The following MPDZ variants were observed in gnomAD, a reference collection of about 807,000 sequenced individuals.
MPDZ encodes the protein multiple PDZ domain crumbs cell polarity complex component.
MPDZ carries 234 observed loss-of-function variants against 239.1 expected under a neutral mutation model. The ratio of observed to expected loss-of-function variants is 0.98; its 90% CI spans 0.88 to 1.09. The LOEUF (loss-of-function observed/expected upper bound fraction) is 1.09. Ranked by LOEUF, MPDZ falls within the 50% of genes least tolerant of loss-of-function variation. MPDZ has a pLI of 0.00. For missense variants in MPDZ, 3,175 were observed against 2,510.0 expected (o/e 1.26, Z -5.66); for synonymous variants, 1,048 against 881.3 (o/e 1.19, Z -3.35).
chr9:13,152,453 T>C (rs1338336033), intron 24 of MPDZ, among the ~76,000 whole-genome samples: 4 of 152,110 alleles, frequency 2.6e-5, no homozygotes, highest in African/African-American at 4.8e-5. Flanking sequence ...TGAGATCTGA[T>C]AGTTTTATAA....
chr9:13,225,430 A>G (rs1265818992), intron 3 of MPDZ, among the ~76,000 whole-genome samples: 1 of 151,904 alleles, frequency 6.6e-6, no homozygotes, highest in Non-Finnish European at 1.5e-5. Flanking sequence ...AGTAGCATAC[A>G]GTATATTGAC....
chr9:13,197,712 T>C (rs1054954193), intron 12 of MPDZ, among the ~76,000 whole-genome samples: 5 of 152,078 alleles, frequency 3.3e-5, no homozygotes, highest in Non-Finnish European at 7.4e-5. Context: ...TTCTAGTTAA[T>C]TGTATTTTTG....
intron 3 of MPDZ, among the ~76,000 whole-genome samples, chr9:13,242,534 A>G (rs182921392): frequency 6.6e-6 from 1 of 151,534 alleles, no homozygotes; most frequent in African/African-American, 2.4e-5. Flanking sequence ...AAATGTGAAG[A>G]AATAAAAAAC....
chr9:13,189,781 C>T (rs1236723159), intron 16 of MPDZ, among the ~76,000 whole-genome samples: 1 of 152,124 alleles, frequency 6.6e-6, no homozygotes, highest in African/African-American at 2.4e-5. Context: ...AAAGAAATAC[C>T]TACTTCTTTA....
chr9:13,248,396 C>T (rs1242545968), intron 2 of MPDZ, among the ~76,000 whole-genome samples: 1 of 152,044 alleles, frequency 6.6e-6, no homozygotes, highest in African/African-American at 2.4e-5. Flanking sequence ...AATTATTGAA[C>T]ACTGTACAAA....
At chr9:13,196,726 C>A (rs4740549) in intron 12 of MPDZ, among the ~76,000 whole-genome samples, 1 of 151,998 alleles carries the variant, frequency 6.6e-6, no homozygotes, top group Non-Finnish European at 1.5e-5. Flanking sequence ...ACTAAGGCTA[C>A]ACATTAAAAT....
chr9:13,226,199 A>C (rs1289361509), intron 3 of MPDZ, among the ~76,000 whole-genome samples: 1 of 152,084 alleles, frequency 6.6e-6, no homozygotes, highest in East Asian at 1.9e-4. Flanking sequence ...GGCTAACTCC[A>C]AGTACAATGA....
At chr9:13,156,096 T>G (rs6474753) in intron 24 of MPDZ, among the ~76,000 whole-genome samples, 1 of 151,994 alleles carries the variant, frequency 6.6e-6, no homozygotes, top group Non-Finnish European at 1.5e-5. Context: ...TTTATCAATA[T>G]AGACAAAGCC....
At chr9:13,175,729 T>C (rs1383735537) in intron 21 of MPDZ, 23 bp downstream of exon 21, 9 of 1,560,528 alleles carry the variant, frequency 5.8e-6, no homozygotes, top group Middle Eastern at 1.7e-4. Flanking sequence ...GGAGTAGGTA[T>C]ATGAGGAAAA....
rs772632737 is a variant in MPDZ at position 13,109,913 on chromosome 9, A to T, written c.5942+39T>A. ...AACTGTCAGGAAGACTTGATTCATA[A>T]GTGAAAAATGATACACTAATCATCA... On this transcript the variant is annotated intron_variant, in intron 45 of 46. Transcript: ENST00000319217. 7 of 1,511,272 alleles carry T rather than the reference A, an allele frequency of 4.6e-6. No homozygotes were observed. In the South Asian group the frequency reaches 8.1e-5, roughly 17 times the overall value. 93.6% of individuals were successfully genotyped at this position (1,511,272 alleles called of 1,614,324 possible). A position where few individuals can be genotyped will look rare whatever the true frequency, so the allele number is the denominator to read the frequency against.
At chr9:13,141,334 G>A (rs1947641477) in intron 27 of MPDZ, among the ~76,000 whole-genome samples, 2 of 152,042 alleles carry the variant, frequency 1.3e-5, no homozygotes, top group African/African-American at 4.8e-5. Context: ...GAATCAAACA[G>A]TGGTACTAGA....
At position 13,136,150 on chromosome 9, in the gene MPDZ, C is replaced by A; in HGVS notation, c.4325G>T (p.Cys1442Phe). ...NKDAVNQMAV[C>F]PGNAVEPLPS... ...CAAAGGTTCTACTGCATTTCCAGGA[C>A]ATACGGCCATCTGATTCACTGCATC... is the stretch of plus-strand genomic sequence containing the variant. The change falls in exon 31 of 47, where the codon TGT (cysteine) becomes TTT (phenylalanine). Residue 1442 changes from cysteine to phenylalanine, a missense_variant. Cys to Phe is a radical substitution (Grantham distance 205). Transcript: ENST00000319217. 4 of 1,612,918 alleles carry A rather than the reference C, an allele frequency of 2.5e-6. No individual in the cohort carries two copies. Among genetic ancestry groups the A allele is most frequent in the Non-Finnish European group, 3.4e-6 (4 of 1,179,392 alleles).
In MPDZ at chr9:13,118,075, G is replaced by A. The variant is rs185188526; in HGVS notation, c.5379+1427C>T. Among the ~76,000 whole-genome samples, 1,016 of 151,874 alleles carry A rather than the reference G, an allele frequency of 6.7e-3. 10 individuals carry two copies. Among genetic ancestry groups the A allele is most frequent in the African/African-American group, 0.022 (926 of 41,424 alleles). The stretch of plus-strand genomic sequence containing the variant: ...GTCAAGCTGGTCTCGAACTCCCGAC[G>A]TCAGGTGATCCACCCGCCTCAGCCT... On this transcript the variant is annotated intron_variant, in intron 39 of 46. Transcript: ENST00000319217.
intron 23 of MPDZ, among the ~76,000 whole-genome samples, chr9:13,160,575 T>C (rs941382167): frequency 2.0e-5 from 3 of 151,808 alleles, no homozygotes; most frequent in Admixed American, 6.6e-5. Context: ...ATTGAAATAA[T>C]TGATTTTACC....
At chr9:13,175,933 C>T (rs574751678) in intron 20 of MPDZ, 58 bp from the exon 21 acceptor site, 144 of 1,531,810 alleles carry the variant, frequency 9.4e-5, no homozygotes, top group South Asian at 1.9e-4. Flanking sequence ...GACTTTGGAG[C>T]GTGATTTCAA....
chr9:13,206,833 C>A (rs942644999), intron 10 of MPDZ, among the ~76,000 whole-genome samples: 18 of 152,204 alleles, frequency 1.2e-4, no homozygotes, highest in Middle Eastern at 3.4e-3. Context: ...TGAGCCACTG[C>A]ACCCGGCCTA....
intron 1 of MPDZ, among the ~76,000 whole-genome samples, chr9:13,255,103 C>T (rs944234125): frequency 8.5e-5 from 13 of 152,178 alleles, no homozygotes; most frequent in Non-Finnish European, 1.5e-4. Context: ...TTCATTTCAA[C>T]GATGTTCACA....
intron 24 of MPDZ, among the ~76,000 whole-genome samples, chr9:13,155,513 C>G (rs933213306): frequency 6.6e-6 from 1 of 151,948 alleles, no homozygotes; most frequent in African/African-American, 2.4e-5. Flanking sequence ...CTTTAAGTAT[C>G]AAGCTTGATA....
rs772660675 is a variant in MPDZ, at chr9:13,206,077, C to A, written c.1313G>T (p.Gly438Val). ...IIAVDGTNLQ[G>V]FTNQQAVEVL... is the part of the protein sequence containing the mutation. ...CTCTACTGCTTGCTGATTAGTAAAACCCTGAAGGTTTGTGCCATCTACCTG... is the reference window on the plus strand; with the variant it reads ...CTCTACTGCTTGCTGATTAGTAAAAACCTGAAGGTTTGTGCCATCTACCTG... Residue 438 changes from glycine (G) to valine (V), a missense_variant, in exon 11 of 47, where the codon GGT (glycine) becomes GTT (valine). Coordinates refer to ENST00000319217, the MANE Select transcript of MPDZ (RefSeq NM_001378778.1). 6.2e-7 allele frequency: 1 copy of A among 1,607,632 alleles called. No individual in the cohort carries two copies. Among genetic ancestry groups the A allele is most frequent in the South Asian group, 1.1e-5 (1 of 90,126 alleles).
Sources: allele counts gnomAD v4.1 joint callset (sites outside exome capture counted in the v4.1 genomes callset), GRCh38; gene constraint gnomAD v4.1.1; transcripts MANE v1.5; gene names NCBI Gene and HGNC (gene_info 2026-07-23, HGNC 2026-07-21).